The following BMPR1B variants were observed in gnomAD, a reference collection of about 807,000 sequenced individuals.
BMPR1B encodes the protein bone morphogenetic protein receptor type 1B.
Under a neutral mutation model 59.1 loss-of-function variants are expected in BMPR1B, and 12 were observed. The ratio of observed to expected loss-of-function variants is 0.20; its 90% CI spans 0.13 to 0.33. The LOEUF is 0.33. Ranked by LOEUF, BMPR1B falls within the 10% of genes least tolerant of loss-of-function variation. BMPR1B has a pLI of 1.00. For missense variants in BMPR1B, 550 were observed against 610.9 expected (o/e 0.90, Z 1.05); for synonymous variants, 237 against 207.3 (o/e 1.14, Z -1.23).
At position 95,109,159 on chromosome 4, in the gene BMPR1B, T is replaced by G. The variant is rs1243707244; in HGVS notation, c.143+4592T>G. Among the ~76,000 whole-genome samples, 6 of 152,274 alleles carry G rather than the reference T, an allele frequency of 3.9e-5. No homozygotes were observed. The East Asian group carries it at 1.2e-3, about 29-fold the overall frequency. On this transcript the variant is annotated intron_variant, in intron 4 of 12. Transcript: ENST00000515059. ...ATGTTATGCATTTAAAAAATTATTT[T>G]TGACTATTTTCTTCAAAGACAATCT...
At chr4:94,946,095 A>G (rs1425422042) in intron 2 of BMPR1B, among the ~76,000 whole-genome samples, 1 of 152,170 alleles carries the variant, frequency 6.6e-6, no homozygotes, top group Non-Finnish European at 1.5e-5. Context: ...TCTTAGAATA[A>G]CAATAATCTT....
At chr4:94,907,774 T>G (rs1230169550) in intron 2 of BMPR1B, among the ~76,000 whole-genome samples, 1 of 151,936 alleles carries the variant, frequency 6.6e-6, no homozygotes, top group Non-Finnish European at 1.5e-5. Flanking sequence ...AGATGCCAAC[T>G]TGTATACTAG....
chr4:94,953,387 A>G (rs191906420), intron 2 of BMPR1B, among the ~76,000 whole-genome samples: 39 of 152,286 alleles, frequency 2.6e-4, no homozygotes, highest in African/African-American at 5.5e-4. Flanking sequence ...TTGTTTTTAC[A>G]GTGGCTGGTA....
intron 2 of BMPR1B, among the ~76,000 whole-genome samples, chr4:94,986,895 G>A (rs1018522649): frequency 6.6e-6 from 1 of 151,554 alleles, no homozygotes; most frequent in Non-Finnish European, 1.5e-5. Context: ...CAAAAAACTA[G>A]CCGGGCGTGG....
chr4:95,136,469 A>G (rs906591013), intron 10 of BMPR1B, among the ~76,000 whole-genome samples: 2 of 152,184 alleles, frequency 1.3e-5, no homozygotes, highest in African/African-American at 2.4e-5. Flanking sequence ...TGATTGGAAT[A>G]GTTTCAGAAG....
chr4:95,122,654 G>A (rs1380872275), intron 6 of BMPR1B, among the ~76,000 whole-genome samples: 1 of 152,126 alleles, frequency 6.6e-6, no homozygotes, highest in Non-Finnish European at 1.5e-5. Flanking sequence ...TTTCCTGAGT[G>A]TTGAAGAGGT....
chr4:95,083,753 A>G (rs1295983151), intron 3 of BMPR1B, among the ~76,000 whole-genome samples: 1 of 152,210 alleles, frequency 6.6e-6, no homozygotes, highest in Admixed American at 6.5e-5. Context: ...TTACCACTCT[A>G]TAACCACTCC....
At chr4:94,976,335 G>C (rs1731032463) in intron 2 of BMPR1B, among the ~76,000 whole-genome samples, 1 of 152,202 alleles carries the variant, frequency 6.6e-6, no homozygotes, top group South Asian at 2.1e-4. Flanking sequence ...TTATGCCATG[G>C]TCAGAAATTC....
intron 1 of BMPR1B, among the ~76,000 whole-genome samples, chr4:94,794,794 G>A (rs1345844361): frequency 6.6e-6 from 1 of 150,522 alleles, no homozygotes; most frequent in Non-Finnish European, 1.5e-5. Flanking sequence ...GTGAATGGGA[G>A]TTCACTCATG....
chr4:95,134,097 C>T (rs1733589627), intron 10 of BMPR1B, among the ~76,000 whole-genome samples: 1 of 152,168 alleles, frequency 6.6e-6, no homozygotes, highest in Admixed American at 6.5e-5. Context: ...TGTTCAATTC[C>T]CACATATGAG....
intron 2 of BMPR1B, among the ~76,000 whole-genome samples, chr4:94,876,373 G>T (rs946295792): frequency 3.3e-5 from 5 of 152,168 alleles, no homozygotes; most frequent in Admixed American, 3.3e-4. Flanking sequence ...AACAGGTGGC[G>T]TGGACTTCAG....
chr4:94,845,609 T>C (rs1050222055), intron 1 of BMPR1B, among the ~76,000 whole-genome samples: 1 of 152,254 alleles, frequency 6.6e-6, no homozygotes, highest in Non-Finnish European at 1.5e-5. Flanking sequence ...CCCAAAGTGC[T>C]GGGATTACAG....
intron 2 of BMPR1B, among the ~76,000 whole-genome samples, chr4:94,944,340 T>A (rs1288578315): frequency 1.3e-5 from 2 of 152,202 alleles, no homozygotes; most frequent in African/African-American, 4.8e-5. Context: ...TAAAAAATAC[T>A]AAAATTAGGA....
intron 1 of BMPR1B, among the ~76,000 whole-genome samples, chr4:94,818,995 G>A (rs1724109956): frequency 6.6e-6 from 1 of 152,048 alleles, no homozygotes; most frequent in Non-Finnish European, 1.5e-5. Context: ...AATTAATTGG[G>A]TGTGGTGGCA....
intron 2 of BMPR1B, among the ~76,000 whole-genome samples, chr4:94,960,054 C>T (rs1730293792): frequency 6.6e-6 from 1 of 151,996 alleles, no homozygotes; most frequent in African/African-American, 2.4e-5. Context: ...TCCTAAAGAC[C>T]AACTCCTTTA....
At chr4:94,836,319 C>A (rs1724817187) in intron 1 of BMPR1B, among the ~76,000 whole-genome samples, 1 of 150,792 alleles carries the variant, frequency 6.6e-6, no homozygotes, top group African/African-American at 2.5e-5. Flanking sequence ...TTCTAGATCC[C>A]TGAGGAATCG....
chr4:95,040,577 A>C (rs1238741819), intron 3 of BMPR1B, among the ~76,000 whole-genome samples: 3 of 152,200 alleles, frequency 2.0e-5, no homozygotes, highest in Non-Finnish European at 4.4e-5. Flanking sequence ...TTTGGTAAAG[A>C]AGAAAATGTC....
chr4:94,862,563 G>A (rs1726028254), intron 1 of BMPR1B, among the ~76,000 whole-genome samples: 1 of 151,392 alleles, frequency 6.6e-6, no homozygotes, highest in African/African-American at 2.4e-5. Flanking sequence ...TAGCACTTTG[G>A]GAGGCCAGAG....
chr4:94,841,392 T>G (rs6828203), intron 1 of BMPR1B, among the ~76,000 whole-genome samples: 1 of 150,784 alleles, frequency 6.6e-6, no homozygotes, highest in African/African-American at 2.4e-5. Context: ...GATCTCAGAC[T>G]GCTGTGCTAG....
Sources: allele counts gnomAD v4.1 joint callset (sites outside exome capture counted in the v4.1 genomes callset), GRCh38; gene constraint gnomAD v4.1.1; transcripts MANE v1.5; gene names NCBI Gene and HGNC (gene_info 2026-07-23, HGNC 2026-07-21).